Variants in CPEB3 observed in about 807,000 individuals in gnomAD.
CPEB3 encodes cytoplasmic polyadenylation element binding protein 3, also known as cytoplasmic polyadenylation element-binding protein 3.
CPEB3 carries 20 observed loss-of-function variants against 67.2 expected under a neutral mutation model. The observed-to-expected ratio is 0.30, with a 90% CI of 0.21 to 0.43. The LOEUF (loss-of-function observed/expected upper bound fraction) is 0.43, where lower values mean the gene tolerates loss of function less well. Ranked by LOEUF, CPEB3 falls within the 20% of genes least tolerant of loss-of-function variation. The probability of loss-of-function intolerance (pLI) is 1.00; values close to 1 mark genes in which losing one functional copy is unlikely to be tolerated. For synonymous variants in CPEB3, 376 were observed against 393.1 expected (o/e 0.96, Z 0.51); for missense variants, 746 against 968.6 (o/e 0.77, Z 3.05).
intron 8 of CPEB3, among the ~76,000 whole-genome samples, chr10:92,089,616 C>T (rs1843530719): frequency 6.6e-6 from 1 of 152,092 alleles, no homozygotes; most frequent in African/African-American, 2.4e-5. Context: ...GAAACACTGT[C>T]TCTACCAAAA....
chr10:92,117,929 G>T (rs1845125078), intron 6 of CPEB3, among the ~76,000 whole-genome samples: 1 of 152,184 alleles, frequency 6.6e-6, no homozygotes, highest in South Asian at 2.1e-4. Context: ...TTTTACAGAT[G>T]AGGAAAATGA....
In CPEB3 at chr10:92,218,417, AACAG is replaced by A. The variant is rs550688732; in HGVS notation, c.1005+20925_1005+20928del. Among the ~76,000 whole-genome samples, 862 of 152,096 alleles carry A rather than the reference AACAG, an allele frequency of 5.7e-3. 9 individuals are homozygous for A. The highest frequency in any genetic ancestry group is 0.019 in the African/African-American group (795 of 41,472). On this transcript the variant is annotated intron_variant, in intron 2 of 9. Transcript: ENST00000265997. ...GCAAGATTCCATCTCAAAACAAACA[AACAG>A]ACAAACAAACACCAAAAACAAAATC...
intron 6 of CPEB3, among the ~76,000 whole-genome samples, chr10:92,115,964 G>A (rs1173186688): frequency 4.0e-5 from 6 of 151,828 alleles, no homozygotes; most frequent in Non-Finnish European, 5.9e-5. Context: ...CCATTTTCTC[G>A]TCACGATTTG....
At chr10:92,079,668 G>C (rs1843062832) in intron 9 of CPEB3, among the ~76,000 whole-genome samples, 1 of 152,100 alleles carries the variant, frequency 6.6e-6, no homozygotes, top group African/African-American at 2.4e-5. Context: ...TTTTTGATCG[G>C]ATACATGTCT....
intron 1 of CPEB3, among the ~76,000 whole-genome samples, chr10:92,241,484 C>T (rs1851851288): frequency 6.6e-6 from 1 of 152,164 alleles, no homozygotes; most frequent in Non-Finnish European, 1.5e-5. Context: ...CAGCGAAACA[C>T]TATGGTTTGA....
At chr10:92,264,097 G>A (rs1329725178) in intron 1 of CPEB3, among the ~76,000 whole-genome samples, 4 of 152,138 alleles carry the variant, frequency 2.6e-5, no homozygotes, top group Non-Finnish European at 4.4e-5. Flanking sequence ...GGGATGCCGA[G>A]GCAGGCAGAT....
chr10:92,139,562 T>A (rs1846292435), intron 6 of CPEB3, among the ~76,000 whole-genome samples: 1 of 151,902 alleles, frequency 6.6e-6, no homozygotes, highest in African/African-American at 2.4e-5. Context: ...TGGGTAAAAG[T>A]GGGCATGGTT....
intron 2 of CPEB3, among the ~76,000 whole-genome samples, chr10:92,193,610 C>A (rs1216834593): frequency 4.6e-5 from 7 of 151,708 alleles, no homozygotes; most frequent in Admixed American, 4.6e-4. Context: ...GCCACCATGC[C>A]CAGCTAATTA....
At chr10:92,231,853 G>A (rs1298681139) in intron 2 of CPEB3, among the ~76,000 whole-genome samples, 1 of 151,884 alleles carries the variant, frequency 6.6e-6, no homozygotes, top group Admixed American at 6.6e-5. Flanking sequence ...CCAAGTAGCT[G>A]CAATTACAAG....
intron 1 of CPEB3, among the ~76,000 whole-genome samples, chr10:92,286,937 T>C (rs1375245765): frequency 2.0e-5 from 3 of 152,192 alleles, no homozygotes; most frequent in East Asian, 1.9e-4. Flanking sequence ...ATTATTAAAA[T>C]AGTGGTGTGC....
intron 2 of CPEB3, among the ~76,000 whole-genome samples, chr10:92,233,148 T>A (rs1231449477): frequency 6.6e-6 from 1 of 151,680 alleles, no homozygotes; most frequent in African/African-American, 2.4e-5. Flanking sequence ...TAGAGAAGAG[T>A]CTTAAATCTA....
chr10:92,192,359 T>C (rs1849019657), intron 3 of CPEB3, 118 bp downstream of exon 3: 7 of 1,001,418 alleles, frequency 7.0e-6, no homozygotes, highest in South Asian at 1.7e-5. Flanking sequence ...CCACAATGCT[T>C]TACAGAAGCA....
intron 2 of CPEB3, among the ~76,000 whole-genome samples, chr10:92,226,819 G>A (rs540723485): frequency 4.0e-5 from 6 of 151,538 alleles, no homozygotes; most frequent in Admixed American, 3.9e-4. Context: ...CCTGCAGGAG[G>A]GGCCAGGAGC....
chr10:92,119,989 T>C (rs1488143365), intron 6 of CPEB3, among the ~76,000 whole-genome samples: 1 of 149,994 alleles, frequency 6.7e-6, no homozygotes, highest in Non-Finnish European at 1.5e-5. Flanking sequence ...GCGCGGTGGC[T>C]CACGCCTGTA....
intron 7 of CPEB3, among the ~76,000 whole-genome samples, chr10:92,106,195 T>C (rs935079267): frequency 1.3e-5 from 2 of 151,752 alleles, no homozygotes; most frequent in African/African-American, 4.8e-5. Context: ...ACCCAGCCTA[T>C]ACTTATTTTA....
At chr10:92,180,523 T>C (rs1848415098) in intron 4 of CPEB3, among the ~76,000 whole-genome samples, 1 of 152,352 alleles carries the variant, frequency 6.6e-6, no homozygotes, top group Admixed American at 6.5e-5. Flanking sequence ...TTGGCCTTTG[T>C]GGCTCTGCCT....
intron 4 of CPEB3, among the ~76,000 whole-genome samples, chr10:92,175,392 T>C (rs1450174770): frequency 6.6e-6 from 1 of 152,066 alleles, no homozygotes; most frequent in Admixed American, 6.6e-5. Flanking sequence ...CAATGCTGCT[T>C]TGAATATTCG....
chr10:92,258,802 C>T (rs1852658447), intron 1 of CPEB3, among the ~76,000 whole-genome samples: 1 of 150,968 alleles, frequency 6.6e-6, no homozygotes. Context: ...GAACTACAGG[C>T]ACCCACCACC....
At chr10:92,136,378 A>G (rs888822862) in intron 6 of CPEB3, among the ~76,000 whole-genome samples, 19 of 152,336 alleles carry the variant, frequency 1.2e-4, no homozygotes, top group African/African-American at 3.8e-4. Context: ...CAGCAAAGGA[A>G]ACAGTCAACA....
Sources: allele counts gnomAD v4.1 joint callset (sites outside exome capture counted in the v4.1 genomes callset), GRCh38; gene constraint gnomAD v4.1.1; transcripts MANE v1.5; gene names NCBI Gene and HGNC (gene_info 2026-07-23, HGNC 2026-07-21).